HEATR5A: variants seen among roughly 807,000 people sequenced by gnomAD.
The protein encoded by HEATR5A is HEAT repeat-containing protein 5A.
Under a neutral mutation model 218.8 loss-of-function variants are expected in HEATR5A, and 178 were observed. The observed-to-expected ratio is 0.81, with a 90% confidence interval of 0.72 to 0.92. HEATR5A has a LOEUF of 0.92. Ranked by LOEUF, HEATR5A falls within the 40% of genes least tolerant of loss-of-function variation. The pLI is 0.00. For missense variants in HEATR5A, 2,420 were observed against 2,418.9 expected, an observed-to-expected ratio of 1.00 and a Z score of -0.01; for synonymous variants, 864 against 871.6, an observed-to-expected ratio of 0.99 and a Z score of 0.15.
chr14:31,295,142 C>A (rs1303086227), intron 34 of HEATR5A, among the ~76,000 whole-genome samples: 1 of 151,998 alleles, frequency 6.6e-6, no homozygotes, highest in Admixed American at 6.6e-5. Context: ...AAAAATAGGA[C>A]ATTACTCAAG....
intron 12 of HEATR5A, among the ~76,000 whole-genome samples, chr14:31,374,131 C>A (rs1211775436): frequency 2.0e-5 from 3 of 151,830 alleles, no homozygotes; most frequent in African/African-American, 7.3e-5. Flanking sequence ...CATAGTGAGA[C>A]TCCATCTCTA....
At position 31,387,299 on chromosome 14, in the gene HEATR5A, AG is replaced by A; in HGVS notation, c.1009del (p.Leu337Ter). 2.5e-6 allele frequency: 4 copies of A among 1,614,046 alleles called. No individual in the cohort carries two copies. The highest frequency in any genetic ancestry group is 3.4e-6 in the Non-Finnish European group (4 of 1,179,888). On this transcript the variant is annotated frameshift_variant, in exon 8 of 36. Transcript: ENST00000543095. LOFTEE classifies it high-confidence loss of function. ...AGGGTGTGACGGTGACGCAAGGCTT[AG>A]GATATGAGAAAAAAAGGCAGCAAAA... is the stretch of plus-strand genomic sequence containing the variant. ...KNFAAFFSHI[L>X]SLASPSHPKA...
intron 11 of HEATR5A, 131 bp from the exon 12 acceptor site, chr14:31,375,099 C>T: frequency 4.0e-6 from 3 of 743,830 alleles, no homozygotes; most frequent in South Asian, 4.0e-5. Context: ...CCTTTCTTAT[C>T]TTCAGGTTCC....
Position 31,358,735 on chromosome 14 carries a change from T to C in HEATR5A, c.2313A>G (p.Gly771=), listed in dbSNP as rs775674244. The change falls in exon 16 of 36, where the codon GGA becomes GGG. Residue 771 remains glycine, a synonymous_variant. Transcript: ENST00000543095. ...GAGGTAAGGGCTTAGGCACTGAATC[T>C]CCCTCTACATCTTTCTCATAAATCG... is the stretch of plus-strand genomic sequence containing the variant. ...PYSIYEKDVE[G]DSVPKPLPPA... is the part of the protein sequence containing the mutation. 6.2e-7 allele frequency: 1 copy of C among 1,613,820 alleles called. No homozygotes were observed.
At position 31,323,685 on chromosome 14, in the gene HEATR5A, A is replaced by T. The variant is rs769964784; in HGVS notation, c.3667T>A (p.Trp1223Arg). The T allele has an allele frequency of 6.2e-7, 1 of 1,613,832 alleles. No homozygotes were observed. Among genetic ancestry groups the T allele is most frequent in the East Asian group, 2.2e-5 (1 of 44,858 alleles). The change falls in exon 24 of 36, where the codon TGG becomes AGG. Residue 1223 changes from tryptophan to arginine, a missense_variant. By Grantham distance (101) the Trp-to-Arg change is moderately radical. Coordinates refer to ENST00000543095, the MANE Select transcript of HEATR5A (RefSeq NM_015473.4). ...EKSHPFTNPR[W>R]ATRVFAAECV... ...TCAGCAGCAAAGACTCTAGTAGCCCATCGGGGATTGGTAAAAGGATGGGAT... is the reference window on the plus strand; with the variant it reads ...TCAGCAGCAAAGACTCTAGTAGCCCTTCGGGGATTGGTAAAAGGATGGGAT...
intron 7 of HEATR5A, 67 bp from the exon 8 acceptor site, chr14:31,387,442 CAT>C (rs893241829): frequency 2.7e-5 from 31 of 1,127,500 alleles, no homozygotes; most frequent in Non-Finnish European, 5.0e-6. Context: ...CCCCACAAAA[CAT>C]GTAGCATTTA....
At chr14:31,313,438 C>G (rs1899819547) in intron 27 of HEATR5A, among the ~76,000 whole-genome samples, 1 of 152,134 alleles carries the variant, frequency 6.6e-6, no homozygotes. Context: ...CCACTTCTCA[C>G]ATTTACAATC....
chr14:31,293,446 A>C lies in HEATR5A; in HGVS notation c.6000T>G (p.Ala2000=), dbSNP rs1595067458. ...GGCGGGCTTTTAGGGCTGGAGAAGA[A>C]GCCACTAAACTTTTAAAAACAGATG... ...QYSSVFKSLV[A]SSPALKARLE... is the part of the protein sequence containing the mutation. Residue 2000 remains alanine, a synonymous_variant, in exon 36 of 36, where the codon GCT becomes GCG. Coordinates refer to ENST00000543095, the MANE Select transcript of HEATR5A (RefSeq NM_015473.4). 5.6e-6 allele frequency: 9 copies of C among 1,614,012 alleles called. No individual in the cohort carries two copies. The East Asian group carries it at 2.0e-4, about 36-fold the overall frequency.
chr14:31,350,510 G>GA, intron 17 of HEATR5A, 102 bp downstream of exon 17: 1 of 658,920 alleles, frequency 1.5e-6, no homozygotes, highest in East Asian at 2.8e-5. Context: ...AAAAATGAAG[G>GA]AAAAAAGAGC....
At position 31,350,713 on chromosome 14, in the gene HEATR5A, GA is replaced by G. The variant is rs755904664; in HGVS notation, c.2415del (p.Ile807TyrfsTer9). Reference sequence around the variant, plus strand: ...CTGTCCAAAAGCTGTTCCAATATAAGAAGCCTACAATCAGAAATAACAGGAT... The same window carrying G: ...CTGTCCAAAAGCTGTTCCAATATAAGAGCCTACAATCAGAAATAACAGGAT... ...VCAHVGETQR[L>X]LILEQLLDSI... On this transcript the variant is annotated frameshift_variant, in exon 17 of 36. Coordinates refer to ENST00000543095, the MANE Select transcript of HEATR5A (RefSeq NM_015473.4). LOFTEE classifies it high-confidence loss of function. The G allele has an allele frequency of 6.7e-6, 10 of 1,498,910 alleles. No homozygotes were observed. Among genetic ancestry groups the G allele is most frequent in the Middle Eastern group, 3.4e-4 (2 of 5,860 alleles). The allele number at this position is 1,498,910 out of a possible 1,614,324, so 92.9% of individuals were successfully genotyped here. A position where few individuals can be genotyped will look rare whatever the true frequency, so the allele number is the denominator to read the frequency against.
At chr14:31,378,803 A>C (rs1357440933) in intron 11 of HEATR5A, among the ~76,000 whole-genome samples, 1 of 136,932 alleles carries the variant, frequency 7.3e-6, no homozygotes, top group Non-Finnish European at 1.5e-5. Context: ...AAAACAAACA[A>C]AAAAAAAAAA....
In HEATR5A at chr14:31,309,124, G is replaced by A; in HGVS notation, c.4500C>T (p.Ser1500=). 6.2e-7 allele frequency: 1 copy of A among 1,613,828 alleles called. No individual in the cohort carries two copies. The highest frequency in any genetic ancestry group is 8.5e-7 in the Non-Finnish European group (1 of 1,179,866). The change falls in exon 29 of 36, where the codon TCC becomes TCT. Residue 1500 remains serine, a synonymous_variant. Transcript: ENST00000543095. The part of the protein sequence containing the change: ...SENAKLHYYN[S]WALILHATAL... ...CTGTAGCATGGAGGATAAGTGCCCAGGAGTTGTAATAATGCAATTTTGCAT... is the reference window on the plus strand; with the variant it reads ...CTGTAGCATGGAGGATAAGTGCCCAAGAGTTGTAATAATGCAATTTTGCAT...
At chr14:31,398,586 T>G in intron 4 of HEATR5A, 87 bp downstream of exon 4, 1 of 662,680 alleles carries the variant, frequency 1.5e-6, no homozygotes, top group South Asian at 2.0e-5. Flanking sequence ...ATGCTTGACA[T>G]ATGTAAAGCT....
intron 31 of HEATR5A, 72 bp from the exon 32 acceptor site, chr14:31,305,249 T>G: frequency 2.0e-6 from 3 of 1,473,534 alleles, no homozygotes; most frequent in Non-Finnish European, 2.8e-6. Context: ...AGTTAAATCC[T>G]GTTACAGGAA....
intron 31 of HEATR5A, among the ~76,000 whole-genome samples, chr14:31,306,476 C>G (rs1407264012): frequency 1.3e-5 from 2 of 151,638 alleles, no homozygotes; most frequent in African/African-American, 4.9e-5. Flanking sequence ...GGAGTGAGAC[C>G]TTGTCTCACT....
In HEATR5A at chr14:31,321,601, A is replaced by ACGGAGCTG. The variant is rs1900109994; in HGVS notation, c.3859_3866dup (p.Leu1290SerfsTer11). 4 of 1,609,912 alleles carry ACGGAGCTG rather than the reference A, an allele frequency of 2.5e-6. No individual in the cohort carries two copies. In the East Asian group the frequency reaches 8.9e-5, roughly 36 times the overall value. On this transcript the variant is annotated frameshift_variant, in exon 25 of 36. Transcript: ENST00000543095. LOFTEE classifies it high-confidence loss of function. ...CTAACAGCATTTCAAGGCCAGAAAG[A>ACGGAGCTG]CGGAGCTGGTCACTGTGATCTGTGG... is the stretch of plus-strand genomic sequence containing the variant.
At chr14:31,391,557 T>A (rs941914054) in intron 6 of HEATR5A, among the ~76,000 whole-genome samples, 1 of 151,354 alleles carries the variant, frequency 6.6e-6, no homozygotes, top group Non-Finnish European at 1.5e-5. Context: ...AAATACACAT[T>A]TTTTAAATTT....
At chr14:31,359,287 AGTGTGTGTGTGT>A (rs35338545) in intron 14 of HEATR5A, among the ~76,000 whole-genome samples, 4 of 50,448 alleles carry the variant, frequency 7.9e-5, no homozygotes, top group Admixed American at 1.7e-4. Flanking sequence ...AAAGTGTAAG[AGTGTGTGTGTGT>A]GTGTGTGTGT....
intron 1 of HEATR5A, among the ~76,000 whole-genome samples, chr14:31,419,145 A>G (rs2031555971): frequency 6.6e-6 from 1 of 152,170 alleles, no homozygotes; most frequent in African/African-American, 2.4e-5. Flanking sequence ...CTTTCAGGTG[A>G]GGAGTCTTTT....
Sources: gnomAD v4.1 joint callset for allele counts (sites outside exome capture counted in the v4.1 genomes callset) on GRCh38, gnomAD v4.1.1 for gene constraint, MANE v1.5 for transcripts, NCBI Gene and HGNC (gene_info 2026-07-23, HGNC 2026-07-21) for gene names.